SENP7: variants seen among roughly 807,000 people sequenced by gnomAD.
SENP7 encodes the protein SUMO specific peptidase 7, also known as sentrin-specific protease 7.
SENP7 carries 64 observed loss-of-function variants against 141.2 expected under a neutral mutation model. The observed-to-expected ratio is 0.45, with a 90% CI of 0.37 to 0.56. SENP7 has a LOEUF of 0.56. SENP7 is among the 20% of genes least tolerant of loss of function. The probability of loss-of-function intolerance (pLI) is 0.00; values close to 1 mark genes in which losing one functional copy is unlikely to be tolerated. For synonymous variants in SENP7, 382 were observed against 426.4 expected (o/e 0.90, Z 1.28); for missense variants, 1,025 against 1,212.2 (o/e 0.85, Z 2.29).
chr3:101,365,031 T>A (rs774556263), intron 9 of SENP7, 40 bp from the exon 10 acceptor site: 4 of 1,249,578 alleles, frequency 3.2e-6, no homozygotes, highest in Non-Finnish European at 4.2e-6. Flanking sequence ...TTTATTTATT[T>A]ATTTATTTAT....
intron 4 of SENP7, among the ~76,000 whole-genome samples, chr3:101,438,584 T>C (rs1415017229): frequency 6.6e-6 from 1 of 152,176 alleles, no homozygotes; most frequent in Non-Finnish European, 1.5e-5. Flanking sequence ...TTAAGTGTAT[T>C]TTACTACAAT....
chr3:101,326,459 A>G (rs966461283), intron 23 of SENP7, among the ~76,000 whole-genome samples: 2 of 152,158 alleles, frequency 1.3e-5, no homozygotes, highest in African/African-American at 2.4e-5. Context: ...GCTGCATACT[A>G]TAACTCTCAT....
At chr3:101,413,163 C>T (rs551139378) in intron 5 of SENP7, among the ~76,000 whole-genome samples, 5 of 152,120 alleles carry the variant, frequency 3.3e-5, no homozygotes, top group Admixed American at 1.3e-4. Flanking sequence ...AATTAAAATG[C>T]AAAAATAAAT....
intron 11 of SENP7, among the ~76,000 whole-genome samples, chr3:101,355,371 T>C (rs1277313864): frequency 1.3e-5 from 2 of 152,226 alleles, no homozygotes; most frequent in Non-Finnish European, 2.9e-5. Context: ...CTAATCCATC[T>C]TGAGTTGATT....
At chr3:101,385,297 A>G (rs2060622105) in intron 6 of SENP7, among the ~76,000 whole-genome samples, 1 of 151,952 alleles carries the variant, frequency 6.6e-6, no homozygotes, top group Non-Finnish European at 1.5e-5. Flanking sequence ...CTCAAAGCCC[A>G]CCCTCAGACC....
At chr3:101,349,851 T>C (rs2059570051) in intron 12 of SENP7, among the ~76,000 whole-genome samples, 1 of 152,172 alleles carries the variant, frequency 6.6e-6, no homozygotes, top group Non-Finnish European at 1.5e-5. Context: ...TATCCATTTC[T>C]TCTTCTTCCT....
chr3:101,347,193 GC>G (rs1389858868), intron 13 of SENP7: 1 of 151,892 alleles, frequency 6.6e-6, no homozygotes, highest in Non-Finnish European at 1.5e-5. Context: ...CTGTACTGTA[GC>G]CCAGGCAACA....
rs765643078 is a variant in SENP7, at chr3:101,337,664, T to C, written c.2358-33A>G. ...GTAGTAACCCCACAAAAGTAAATTA[T>C]TTTTAGATTTTACTTGGTCGTCCCC... On this transcript the variant is annotated intron_variant, in intron 16 of 23. Transcript: ENST00000394095. 2.0e-6 allele frequency: 3 copies of C among 1,479,730 alleles called. No individual in the cohort carries two copies. The African/African-American group carries it at 4.3e-5, about 21-fold the overall frequency. 91.7% of individuals were successfully genotyped at this position (1,479,730 alleles called of 1,614,324 possible).
chr3:101,343,567 T>C (rs2059382594), intron 14 of SENP7, 119 bp downstream of exon 14: 1 of 910,882 alleles, frequency 1.1e-6, no homozygotes, highest in South Asian at 2.2e-5. Flanking sequence ...GGGAGTTCTT[T>C]TGGGTTGGTT....
intron 3 of SENP7, among the ~76,000 whole-genome samples, chr3:101,470,011 A>T (rs2063921970): frequency 6.6e-6 from 1 of 152,138 alleles, no homozygotes; most frequent in Non-Finnish European, 1.5e-5. Flanking sequence ...AGAAATAAAG[A>T]TGTTCTTTGA....
At chr3:101,475,672 C>T (rs1330309051) in intron 3 of SENP7, among the ~76,000 whole-genome samples, 2 of 152,018 alleles carry the variant, frequency 1.3e-5, no homozygotes. Flanking sequence ...CAAATCTGCA[C>T]ATCCTGCACG....
Position 101,495,441 on chromosome 3 carries a change from A to G in SENP7, c.91-1473T>C, listed in dbSNP as rs1373975419. Among the ~76,000 whole-genome samples, 7 of 152,236 alleles carry G rather than the reference A, an allele frequency of 4.6e-5. No homozygotes were observed. In the East Asian group the frequency reaches 1.3e-3, roughly 29 times the overall value. Reference sequence around the variant, plus strand: ...ATATAAATCATTCTATTACAAAGATATATGCATGCACATGTTTGCTGCAAC... The same window carrying G: ...ATATAAATCATTCTATTACAAAGATGTATGCATGCACATGTTTGCTGCAAC... On this transcript the variant is annotated intron_variant, in intron 2 of 23. Coordinates refer to ENST00000394095, the MANE Select transcript of SENP7 (RefSeq NM_020654.5).
chr3:101,337,591 G>A lies in SENP7; in HGVS notation c.2398C>T (p.Arg800Ter). 6.2e-7 allele frequency: 1 copy of A among 1,603,454 alleles called. No individual in the cohort carries two copies. The highest frequency in any genetic ancestry group is 1.1e-5 in the South Asian group (1 of 89,588). ...LEKASDELVE[R>*]SHIFSSFFYK... The stretch of plus-strand genomic sequence containing the variant: ...AAAAAGCTACTAAAAATGTGACTTC[G>A]TTCAACAAGTTCATCTGATGCCTTC... The change falls in exon 17 of 24, where the codon CGA (arginine) becomes TGA (stop). Residue 800 changes from arginine (R) to a stop codon, truncating the protein, a stop_gained. Coordinates refer to ENST00000394095, the MANE Select transcript of SENP7 (RefSeq NM_020654.5). LOFTEE classifies it high-confidence loss of function.
chr3:101,366,675 G>A lies in SENP7; in HGVS notation c.1073C>T (p.Thr358Ile). 7 of 1,613,582 alleles carry A rather than the reference G, an allele frequency of 4.3e-6. No individual in the cohort carries two copies. Among genetic ancestry groups the A allele is most frequent in the Non-Finnish European group, 5.9e-6 (7 of 1,179,688 alleles). The change falls in exon 9 of 24, where the codon ACT (threonine) becomes ATT (isoleucine). Residue 358 changes from threonine to isoleucine, a missense_variant. By Grantham distance (89) the Thr-to-Ile change is moderately conservative. Coordinates refer to ENST00000394095, the MANE Select transcript of SENP7 (RefSeq NM_020654.5). ...AGTAAAATCACTTTTTGTAGGTTTA[G>A]TTGTAATTTCTTCAGGCAGTTTTGG... ...QDPKLPEEIT[T>I]KPTKSDFTKL...
At chr3:101,481,076 CAA>C (rs754376479) in intron 3 of SENP7, among the ~76,000 whole-genome samples, 1 of 127,236 alleles carries the variant, frequency 7.9e-6, no homozygotes. Flanking sequence ...GAGATTTCCC[CAA>C]AAAAAAAAAA....
At chr3:101,508,616 GGCTTTAAGGAAAACTGTTCCTTACA>G (rs2065726147) in intron 1 of SENP7, among the ~76,000 whole-genome samples, 1 of 152,024 alleles carries the variant, frequency 6.6e-6, no homozygotes, top group African/African-American at 2.4e-5. Flanking sequence ...ATAAAAGAAA[GGCTTTAAGGAAAACTGTTCCTTACA>G]GCTTTAAGGA....
chr3:101,424,368 G>T (rs2061886555), intron 4 of SENP7, among the ~76,000 whole-genome samples: 1 of 146,526 alleles, frequency 6.8e-6, no homozygotes, highest in African/African-American at 2.6e-5. Flanking sequence ...GGAGGGTTTT[G>T]CTTTCTTTGC....
intron 11 of SENP7, chr3:101,357,761 T>G: frequency 1.6e-6 from 1 of 637,030 alleles, no homozygotes; most frequent in Admixed American, 2.3e-5. Flanking sequence ...AAAAAACTTT[T>G]AAATGTAAAG....
intron 4 of SENP7, among the ~76,000 whole-genome samples, chr3:101,426,265 C>T (rs1201366632): frequency 1.3e-5 from 2 of 152,050 alleles, no homozygotes; most frequent in African/African-American, 4.8e-5. Context: ...TCATCAGATT[C>T]TCCAAGGTCA....
Sources: gnomAD v4.1 joint callset for allele counts (sites outside exome capture counted in the v4.1 genomes callset) on GRCh38, gnomAD v4.1.1 for gene constraint, MANE v1.5 for transcripts, NCBI Gene and HGNC (gene_info 2026-07-23, HGNC 2026-07-21) for gene names.